Variants in LRP1B observed in about 807,000 individuals in gnomAD.
LRP1B encodes the protein low-density lipoprotein receptor-related protein 1B.
LRP1B carries 217 observed loss-of-function variants against 556.6 expected under a neutral mutation model. That is an observed-to-expected ratio of 0.39 (90% CI 0.35 to 0.44). LRP1B has a LOEUF of 0.44. LRP1B is among the 20% of genes least tolerant of loss of function. The pLI is 1.00. For missense variants in LRP1B, 5,053 were observed against 5,620.8 expected, an observed-to-expected ratio of 0.90 and a Z score of 3.23; for synonymous variants, 2,047 against 1,865.8, an observed-to-expected ratio of 1.10 and a Z score of -2.50.
intron 8 of LRP1B, among the ~76,000 whole-genome samples, chr2:141,060,799 T>C (rs1255341918): frequency 6.6e-6 from 1 of 151,842 alleles, no homozygotes; most frequent in East Asian, 2.0e-4. Flanking sequence ...AGGAGAAGCC[T>C]GGAGCAGTAG....
At chr2:141,939,775 T>C (rs1021857704) in intron 1 of LRP1B, among the ~76,000 whole-genome samples, 15 of 152,206 alleles carry the variant, frequency 9.9e-5, no homozygotes, top group South Asian at 6.2e-4. Context: ...GAAATCAGCA[T>C]TGTTAGGTGG....
chr2:141,600,252 A>G (rs1331125932), intron 2 of LRP1B, among the ~76,000 whole-genome samples: 2 of 152,158 alleles, frequency 1.3e-5, no homozygotes, highest in Non-Finnish European at 2.9e-5. Flanking sequence ...TTTTTTAAAA[A>G]AATGCAATAC....
At chr2:141,532,901 G>A (rs896460669) in intron 2 of LRP1B, among the ~76,000 whole-genome samples, 1 of 152,102 alleles carries the variant, frequency 6.6e-6, no homozygotes, top group African/African-American at 2.4e-5. Context: ...CAGGAGAATC[G>A]CTTGAACTCC....
intron 32 of LRP1B, among the ~76,000 whole-genome samples, chr2:140,781,568 G>T (rs6758482): frequency 1.3e-5 from 2 of 152,188 alleles, no homozygotes; most frequent in East Asian, 3.9e-4. Context: ...GAGTAGTAAG[G>T]TCTCTGCCAT....
chr2:141,361,034 A>G (rs1348832827), intron 3 of LRP1B, among the ~76,000 whole-genome samples: 2 of 152,184 alleles, frequency 1.3e-5, no homozygotes, highest in African/African-American at 4.8e-5. Flanking sequence ...TGATATTAAC[A>G]TAATTAATGA....
chr2:141,720,164 T>C (rs563160720), intron 2 of LRP1B, among the ~76,000 whole-genome samples: 1 of 152,280 alleles, frequency 6.6e-6, no homozygotes, highest in Non-Finnish European at 1.5e-5. Context: ...AATTGTCATC[T>C]ATCTGTGCTG....
chr2:140,925,887 T>A lies in LRP1B; in HGVS notation c.3137-2740A>T, dbSNP rs939898410. Among the ~76,000 whole-genome samples the A allele has an allele frequency of 2.0e-5, 3 of 152,076 alleles. No homozygotes were observed. In the East Asian group the frequency reaches 5.8e-4, roughly 29 times the overall value. On this transcript the variant is annotated intron_variant, in intron 20 of 90. Transcript: ENST00000389484. ...TTTATAAAGATCAAAGCAGAATCTT[T>A]GAGGAGAGAGAGTATACTGTTATTG...
intron 2 of LRP1B, among the ~76,000 whole-genome samples, chr2:141,751,016 T>C (rs1008719879): frequency 2.6e-5 from 4 of 151,976 alleles, no homozygotes; most frequent in African/African-American, 9.7e-5. Flanking sequence ...CACCAGTTAT[T>C]AAAATTTTAA....
chr2:140,787,525 T>C (rs1412928259), intron 32 of LRP1B, among the ~76,000 whole-genome samples: 2 of 151,764 alleles, frequency 1.3e-5, no homozygotes, highest in East Asian at 3.9e-4. Flanking sequence ...ACTTTATTTA[T>C]TTACATGCCT....
chr2:140,970,493 T>C (rs1028499823), intron 18 of LRP1B, among the ~76,000 whole-genome samples: 3 of 152,062 alleles, frequency 2.0e-5, no homozygotes, highest in African/African-American at 4.8e-5. Flanking sequence ...TCAGAGGAGT[T>C]TGATCATCTG....
intron 66 of LRP1B, among the ~76,000 whole-genome samples, chr2:140,427,008 C>G (rs978772491): frequency 2.0e-5 from 3 of 152,210 alleles, no homozygotes; most frequent in Admixed American, 2.0e-4. Context: ...CAACCTCTTT[C>G]TCCTTTCAAT....
Position 140,655,182 on chromosome 2 carries a change from G to A in LRP1B, c.6799+45068C>T, listed in dbSNP as rs570072734. Among the ~76,000 whole-genome samples, 3 of 151,922 alleles carry A rather than the reference G, an allele frequency of 2.0e-5. No individual in the cohort carries two copies. The South Asian group carries it at 6.2e-4, about 32-fold the overall frequency. ...AGAAATTTTTAATCTTATTATATAA[G>A]GAAATAATTAAAATTTACCAATTCA... On this transcript the variant is annotated intron_variant, in intron 41 of 90. Coordinates refer to ENST00000389484, the MANE Select transcript of LRP1B (RefSeq NM_018557.3).
At chr2:141,178,798 G>C (rs1408442887) in intron 7 of LRP1B, among the ~76,000 whole-genome samples, 2 of 151,946 alleles carry the variant, frequency 1.3e-5, no homozygotes, top group African/African-American at 4.8e-5. Context: ...GTATTCCAAG[G>C]CCCTATGAGA....
At position 141,777,885 on chromosome 2, in the gene LRP1B, T is replaced by G. The variant is rs998573972; in HGVS notation, c.205+32394A>C. On this transcript the variant is annotated intron_variant, in intron 2 of 90. Transcript: ENST00000389484. ...TGATGTAATTGTTTTTTTTAATAAA[T>G]ATCCAAAATTTCCAGTGAACAAAAT... Among the ~76,000 whole-genome samples the G allele has an allele frequency of 7.2e-5, 11 of 152,146 alleles. 1 individual carries two copies. The South Asian group carries it at 1.2e-3, about 17-fold the overall frequency.
At chr2:142,090,407 G>C (rs10928135) in intron 1 of LRP1B, among the ~76,000 whole-genome samples, 152,074 of 152,188 alleles carry the variant, frequency 1, 75,980 homozygotes, top group Middle Eastern at 1. Context: ...CATCTCAACC[G>C]CAATACTCTC....
chr2:140,752,723 AT>A (rs547629395), intron 35 of LRP1B, among the ~76,000 whole-genome samples: 2 of 152,122 alleles, frequency 1.3e-5, no homozygotes, highest in Non-Finnish European at 2.9e-5. Context: ...AAATATACTT[AT>A]TTTTTTCAAA....
At position 140,474,395 on chromosome 2, in the gene LRP1B, G is replaced by A. The variant is rs553909393; in HGVS notation, c.9625+743C>T. Among the ~76,000 whole-genome samples the A allele has an allele frequency of 3.3e-5, 5 of 151,916 alleles. No homozygotes were observed. The South Asian group carries it at 1.0e-3, about 31-fold the overall frequency. Reference sequence around the variant, plus strand: ...AGGAAGTAACTTGATAAGCTAAACTGAATTAACATGCAGACTTTATTTGGG... The same window carrying A: ...AGGAAGTAACTTGATAAGCTAAACTAAATTAACATGCAGACTTTATTTGGG... On this transcript the variant is annotated intron_variant, in intron 60 of 90. Coordinates refer to ENST00000389484, the MANE Select transcript of LRP1B (RefSeq NM_018557.3).
chr2:140,986,018 C>G (rs935909981), intron 17 of LRP1B, among the ~76,000 whole-genome samples: 2 of 151,230 alleles, frequency 1.3e-5, no homozygotes, highest in Non-Finnish European at 2.9e-5. Context: ...TATTATAATA[C>G]TATTCCTATT....
At chr2:140,576,274 T>G (rs1471815654) in intron 43 of LRP1B, among the ~76,000 whole-genome samples, 2 of 152,230 alleles carry the variant, frequency 1.3e-5, no homozygotes, top group Admixed American at 1.3e-4. Flanking sequence ...TTCTCAGTGA[T>G]TTTTGCAGAC....
Sources: gnomAD v4.1 joint callset for allele counts (sites outside exome capture counted in the v4.1 genomes callset) on GRCh38, gnomAD v4.1.1 for gene constraint, MANE v1.5 for transcripts, NCBI Gene and HGNC (gene_info 2026-07-23, HGNC 2026-07-21) for gene names.